Variants in LRP2 observed in about 807,000 individuals in gnomAD.
LRP2 encodes LDL receptor related protein 2.
In LRP2, 172 loss-of-function variants were observed where a neutral mutation model predicts 531.0. The ratio of observed to expected loss-of-function variants is 0.32; its 90% CI spans 0.29 to 0.37. The LOEUF (loss-of-function observed/expected upper bound fraction) is 0.37. Ranked by LOEUF, LRP2 falls within the 10% of genes least tolerant of loss-of-function variation. The pLI, the probability that LRP2 is intolerant of heterozygous loss-of-function variation, is 1.00. For missense variants in LRP2, 5,167 were observed against 5,868.3 expected (o/e 0.88, Z 3.90); for synonymous variants, 1,992 against 2,027.6 (o/e 0.98, Z 0.47).
intron 34 of LRP2, among the ~76,000 whole-genome samples, chr2:169,218,417 CA>C (rs1360523856): frequency 6.6e-6 from 1 of 152,150 alleles, no homozygotes; most frequent in Admixed American, 6.6e-5. Flanking sequence ...CTCTTTATAG[CA>C]CTATCATCCC....
rs200084884 is a variant in LRP2 at position 169,142,671 on chromosome 2, T to C, written c.13108+3A>G. 6.2e-7 allele frequency: 1 copy of C among 1,613,852 alleles called. No homozygotes were observed. Among genetic ancestry groups the C allele is most frequent in the East Asian group, 2.2e-5 (1 of 44,872 alleles). On this transcript the variant is annotated splice_donor_region_variant and intron_variant, in intron 71 of 78. Transcript: ENST00000649046. Reference sequence around the variant, plus strand: ...CCCATAGCTGCTTGGGCAGTGCTCCTACCTGCATCACACTCAGTGGTGCTC... The same window carrying C: ...CCCATAGCTGCTTGGGCAGTGCTCCCACCTGCATCACACTCAGTGGTGCTC...
Position 169,278,849 on chromosome 2 carries a change from C to T in LRP2, c.1565+523G>A, listed in dbSNP as rs567319325. 2.6e-5 allele frequency among the ~76,000 whole-genome samples: 4 copies of T among 152,242 alleles called. No homozygotes were observed. The South Asian group carries it at 6.2e-4, about 24-fold the overall frequency. On this transcript the variant is annotated intron_variant, in intron 12 of 78. Coordinates refer to ENST00000649046, the MANE Select transcript of LRP2 (RefSeq NM_004525.3). ...ATTTAAACCTGAAGAAAAGCATTAT[C>T]GGTGTTGCTGGATTGATTCAGACTG...
intron 4 of LRP2, among the ~76,000 whole-genome samples, chr2:169,298,428 C>G (rs947973442): frequency 5.3e-5 from 8 of 152,050 alleles, no homozygotes; most frequent in African/African-American, 1.9e-4. Flanking sequence ...AGCCAGAATT[C>G]AAATCCAATC....
chr2:169,275,636 C>T (rs1683532817), intron 13 of LRP2, among the ~76,000 whole-genome samples: 1 of 152,088 alleles, frequency 6.6e-6, no homozygotes. Context: ...GGAAAAGATG[C>T]CTTTGCCAAC....
intron 30 of LRP2, among the ~76,000 whole-genome samples, chr2:169,233,199 G>A (rs1206718068): frequency 6.6e-6 from 1 of 152,182 alleles, no homozygotes; most frequent in Non-Finnish European, 1.5e-5. Flanking sequence ...ATTCAGATGT[G>A]CTGTTATTAT....
At chr2:169,274,002 A>T (rs1171587830) in intron 14 of LRP2, among the ~76,000 whole-genome samples, 1 of 152,174 alleles carries the variant, frequency 6.6e-6, no homozygotes, top group Non-Finnish European at 1.5e-5. Context: ...CAGGATGATG[A>T]CATTGAAGGA....
chr2:169,269,999 G>T (rs1683359194), intron 16 of LRP2, among the ~76,000 whole-genome samples: 1 of 152,050 alleles, frequency 6.6e-6, no homozygotes, highest in Non-Finnish European at 1.5e-5. Context: ...ACAGACACAA[G>T]AAAAAATGCT....
At chr2:169,204,350 C>A (rs1688306153) in intron 41 of LRP2, 79 bp from the exon 42 acceptor site, 1 of 1,312,988 alleles carries the variant, frequency 7.6e-7, no homozygotes, top group Non-Finnish European at 1.1e-6. Flanking sequence ...AATGCATGCG[C>A]CTCATCATTG....
At position 169,176,477 on chromosome 2, in the gene LRP2, A is replaced by G. The variant is rs768577576; in HGVS notation, c.10505T>C (p.Leu3502Pro). ...ECPDDFRTLQ[L>P]SGSTYCMPMC... ...GGGCATGCAGTAGGTGCTGCCACTC[A>G]GCTGAAGGGTGCGGAAGTCATCTGG... The change falls in exon 54 of 79, where the codon CTG becomes CCG. Residue 3502 changes from leucine to proline, a missense_variant. Leu to Pro is a moderately conservative substitution (Grantham distance 98). Coordinates refer to ENST00000649046, the MANE Select transcript of LRP2 (RefSeq NM_004525.3). The G allele has an allele frequency of 3.1e-6, 5 of 1,614,186 alleles. No homozygotes were observed. The highest frequency in any genetic ancestry group is 3.4e-6 in the Non-Finnish European group (4 of 1,180,022).
intron 77 of LRP2, among the ~76,000 whole-genome samples, chr2:169,129,965 A>T (rs558128924): frequency 7.2e-5 from 11 of 152,312 alleles, no homozygotes; most frequent in Admixed American, 2.6e-4. Context: ...ACAGCAGGGG[A>T]CCAGCCTGTG....
At chr2:169,185,430 T>C in intron 50 of LRP2, 73 bp downstream of exon 50, 1 of 1,484,426 alleles carries the variant, frequency 6.7e-7, no homozygotes. Flanking sequence ...AAAATTAATT[T>C]CCTATCAAGA....
chr2:169,193,827 C>G lies in LRP2; in HGVS notation c.8764G>C (p.Glu2922Gln). The change falls in exon 47 of 79, where the codon GAA becomes CAA. Residue 2922 changes from glutamate (E) to glutamine (Q), a missense_variant. By Grantham distance (29) the Glu-to-Gln change is conservative (BLOSUM62 2). Coordinates refer to ENST00000649046, the MANE Select transcript of LRP2 (RefSeq NM_004525.3). ...KCDGGRCIPS[E>Q]WICDGDNDCG... The stretch of plus-strand genomic sequence containing the variant: ...TCATTATCACCGTCACAGATCCATT[C>G]GCTTGGGATGCACCTCCCACCATCA... The G allele has an allele frequency of 6.2e-7, 1 of 1,614,138 alleles. No homozygotes were observed. The highest frequency in any genetic ancestry group is 2.2e-5 in the East Asian group (1 of 44,882).
intron 4 of LRP2, among the ~76,000 whole-genome samples, chr2:169,300,255 G>GA (rs202220819): frequency 6.6e-6 from 1 of 151,732 alleles, no homozygotes; most frequent in Non-Finnish European, 1.5e-5. Flanking sequence ...GTCACAATGG[G>GA]AAAAAAAACT....
intron 31 of LRP2, 39 bp from the exon 32 acceptor site, chr2:169,226,627 A>G: frequency 6.7e-7 from 1 of 1,488,880 alleles, no homozygotes; most frequent in Non-Finnish European, 9.4e-7. Context: ...ATCATATCCC[A>G]CTATTCCCAG....
chr2:169,235,934 T>C lies in LRP2; in HGVS notation c.4826A>G (p.Asn1609Ser). 2 of 1,614,148 alleles carry C rather than the reference T, an allele frequency of 1.2e-6. No individual in the cohort carries two copies. Among genetic ancestry groups the C allele is most frequent in the Non-Finnish European group, 1.7e-6 (2 of 1,180,024 alleles). Residue 1609 changes from asparagine to serine, a missense_variant, in exon 29 of 79, where the codon AAC (asparagine) becomes AGC (serine). Asn to Ser is a conservative substitution (Grantham distance 46). This residue lies in a region of LRP2 where 2,811 missense variants were observed against 3,058.0 expected (regional missense o/e 0.92). Coordinates refer to ENST00000649046, the MANE Select transcript of LRP2 (RefSeq NM_004525.3). ...WPCGLTIDYP[N>S]RLLYFMDSYL... ...GGAGTCCATGAAGTAGAGCAGTCTGTTGGGGTAGTCAATAGTTAAGCCGCA... is the reference window on the plus strand; with the variant it reads ...GGAGTCCATGAAGTAGAGCAGTCTGCTGGGGTAGTCAATAGTTAAGCCGCA...
intron 71 of LRP2, 145 bp downstream of exon 71, chr2:169,142,528 TG>T: frequency 1.8e-6 from 2 of 1,093,068 alleles, no homozygotes; most frequent in Non-Finnish European, 2.7e-6. Context: ...CACTCAACTC[TG>T]TTCATACCTC....
Position 169,226,604 on chromosome 2 carries a change from A to C in LRP2, c.5228-16T>G, listed in dbSNP as rs142220905. 1 of 1,588,832 alleles carries C rather than the reference A, an allele frequency of 6.3e-7. No individual in the cohort carries two copies. The highest frequency in any genetic ancestry group is 2.2e-5 in the East Asian group (1 of 44,726). ...GGTTGATCATCTGTGAAAATAGAAG[A>C]ATATCAGTCAAAATCATATCCCACT... On this transcript the variant is annotated splice_polypyrimidine_tract_variant and intron_variant, in intron 31 of 78. Transcript: ENST00000649046.
intron 46 of LRP2, among the ~76,000 whole-genome samples, chr2:169,194,716 C>CT (rs869249150): frequency 0.1 from 10,766 of 102,988 alleles, 1,347 homozygotes; most frequent in African/African-American, 0.27. Context: ...TTGATCCAGA[C>CT]TTTTTTTTTT....
intron 60 of LRP2, among the ~76,000 whole-genome samples, chr2:169,169,445 T>C (rs1686910907): frequency 6.6e-6 from 1 of 152,270 alleles, no homozygotes; most frequent in Non-Finnish European, 1.5e-5. Flanking sequence ...TAGTAGCTGA[T>C]AATATATAAA....
Sources: allele counts gnomAD v4.1 joint callset (sites outside exome capture counted in the v4.1 genomes callset), GRCh38; gene constraint gnomAD v4.1.1; regional missense constraint gnomAD v4.1.1; transcripts MANE v1.5; gene names NCBI Gene and HGNC (gene_info 2026-07-23, HGNC 2026-07-21).